Variants in KDM6A observed in about 807,000 individuals in gnomAD.
The protein encoded by KDM6A is lysine demethylase 6A.
A neutral mutation model predicts 117.6 loss-of-function variants in KDM6A; 11 were observed. The ratio of observed to expected loss-of-function variants is 0.09; its 90% confidence interval spans 0.06 to 0.15. The LOEUF is 0.15. Ranked by LOEUF, KDM6A falls within the 10% of genes least tolerant of loss-of-function variation. The pLI is 1.00. For missense variants in KDM6A, 799 were observed against 1,077.3 expected, an observed-to-expected ratio of 0.74 and a Z score of 3.62; for synonymous variants, 384 against 396.1, an observed-to-expected ratio of 0.97 and a Z score of 0.36.
At chrX:44,992,206 CTTTTTTTTTTTTTTTTTTT>C (rs779979560) in intron 4 of KDM6A, among the ~76,000 whole-genome samples, 49 of 32,057 alleles carry the variant, frequency 1.5e-3, no homozygotes, top group African/African-American at 3.7e-3. Flanking sequence ...CTGTCTTCTT[CTTTTTTTTTTTTTTTTTTT>C]TTTTTTTTTT....
intron 3 of KDM6A, among the ~76,000 whole-genome samples, chrX:44,964,381 G>A (rs1223858797): frequency 9.5e-6 from 1 of 105,659 alleles, no homozygotes; most frequent in Non-Finnish European, 1.9e-5. Flanking sequence ...CCCAGAAGGG[G>A]GAGGTTGCAG....
intron 6 of KDM6A, among the ~76,000 whole-genome samples, chrX:45,023,532 T>C (rs2042250581): frequency 9.0e-6 from 1 of 111,697 alleles, no homozygotes; most frequent in Non-Finnish European, 1.9e-5. Flanking sequence ...TTCGTGACCT[T>C]GAGTAAGATT....
At chrX:44,956,167 A>G (rs1482584054) in intron 2 of KDM6A, among the ~76,000 whole-genome samples, 3 of 111,666 alleles carry the variant, frequency 2.7e-5, no homozygotes, top group African/African-American at 9.8e-5. Flanking sequence ...AAACTTAGTT[A>G]AGGTAGTTTT....
chrX:44,982,681 C>G (rs1458773491), intron 4 of KDM6A, among the ~76,000 whole-genome samples: 1 of 111,812 alleles, frequency 8.9e-6, no homozygotes, highest in Non-Finnish European at 1.9e-5. Context: ...TCAGCATATG[C>G]TTGAAAATTA....
chrX:44,952,028 T>C lies in KDM6A; in HGVS notation c.226-9256T>C, dbSNP rs193027865. Reference sequence around the variant, plus strand: ...GCTCAAGTATTAGCTATCAACACTTTACTAAGTTGTCTAGTTTGATTTCAA... The same window carrying C: ...GCTCAAGTATTAGCTATCAACACTTCACTAAGTTGTCTAGTTTGATTTCAA... On this transcript the variant is annotated intron_variant, in intron 2 of 29. Coordinates refer to ENST00000611820, the MANE Select transcript of KDM6A (RefSeq NM_001291415.2). 8.0e-5 allele frequency among the ~76,000 whole-genome samples: 9 copies of C among 112,458 alleles called. No individual in the cohort carries two copies. The East Asian group carries it at 2.5e-3, about 31-fold the overall frequency.
intron 3 of KDM6A, among the ~76,000 whole-genome samples, chrX:44,965,472 A>T (rs1214789582): frequency 1.8e-5 from 2 of 111,665 alleles, no homozygotes; most frequent in Non-Finnish European, 3.8e-5. Flanking sequence ...TCTTTCTTTC[A>T]CTTGTACACT....
intron 17 of KDM6A, 24 bp downstream of exon 17, chrX:45,063,841 G>C: frequency 8.6e-7 from 1 of 1,164,947 alleles, no homozygotes; most frequent in Non-Finnish European, 1.2e-6. Context: ...TAGCTTCCTT[G>C]TTGGCTTTTC....
intron 4 of KDM6A, among the ~76,000 whole-genome samples, chrX:45,009,625 C>T (rs993639814): frequency 9.0e-6 from 1 of 111,676 alleles, no homozygotes; most frequent in Non-Finnish European, 1.9e-5. Context: ...ATGCCTCTGA[C>T]AAGCTGTTTA....
At chrX:45,013,412 C>T (rs1452852313) in intron 5 of KDM6A, among the ~76,000 whole-genome samples, 1 of 111,707 alleles carries the variant, frequency 9.0e-6, no homozygotes, top group African/African-American at 3.3e-5. Flanking sequence ...AATTTGTAAG[C>T]CTCTCTGTGT....
At chrX:45,092,148 G>T (rs1404535221) in intron 27 of KDM6A, among the ~76,000 whole-genome samples, 1 of 111,096 alleles carries the variant, frequency 9.0e-6, no homozygotes, top group South Asian at 3.8e-4. Flanking sequence ...CATTTATCCT[G>T]TTATATGTCA....
chrX:44,946,772 C>T (rs2037659577), intron 2 of KDM6A, among the ~76,000 whole-genome samples: 1 of 110,512 alleles, frequency 9.0e-6, no homozygotes, highest in Non-Finnish European at 1.9e-5. Context: ...AACTTGCAGG[C>T]TTGCCACCAC....
chrX:45,095,213 A>C (rs1460066723), intron 27 of KDM6A, among the ~76,000 whole-genome samples: 2 of 111,182 alleles, frequency 1.8e-5, no homozygotes, highest in African/African-American at 6.5e-5. Flanking sequence ...TCCCAAGGTC[A>C]TTCAATTGAC....
At chrX:44,892,758 C>T (rs896210644) in intron 2 of KDM6A, among the ~76,000 whole-genome samples, 2 of 109,628 alleles carry the variant, frequency 1.8e-5, no homozygotes, top group African/African-American at 6.7e-5. Context: ...AATCCCAGCA[C>T]TTTGGGAGGC....
At chrX:45,097,391 T>TA (rs891234304) in intron 27 of KDM6A, among the ~76,000 whole-genome samples, 1 of 111,377 alleles carries the variant, frequency 9.0e-6, no homozygotes, top group Non-Finnish European at 1.9e-5. Flanking sequence ...GAAAGGTAAT[T>TA]GAGTACATTT....
intron 8 of KDM6A, among the ~76,000 whole-genome samples, chrX:45,044,915 T>A (rs1431385825): frequency 1.8e-5 from 2 of 111,872 alleles, no homozygotes; most frequent in Non-Finnish European, 3.8e-5. Context: ...TATGTTATTA[T>A]ACTATAGCAA....
intron 10 of KDM6A, among the ~76,000 whole-genome samples, chrX:45,054,597 C>T (rs768458406): frequency 5.4e-5 from 6 of 111,617 alleles, no homozygotes; most frequent in Non-Finnish European, 7.5e-5. Context: ...CTGAACTATA[C>T]CTCATGCATA....
chrX:44,948,714 A>C (rs1387343460), intron 2 of KDM6A, among the ~76,000 whole-genome samples: 2 of 112,453 alleles, frequency 1.8e-5, no homozygotes, highest in Non-Finnish European at 3.8e-5. Flanking sequence ...GAAATCCTTT[A>C]TGTATAAATA....
intron 2 of KDM6A, among the ~76,000 whole-genome samples, chrX:44,940,849 A>T (rs1210819686): frequency 9.0e-6 from 1 of 111,362 alleles, no homozygotes; most frequent in Non-Finnish European, 1.9e-5. Flanking sequence ...CAGCCTGACC[A>T]ACATGGAGAA....
intron 5 of KDM6A, among the ~76,000 whole-genome samples, chrX:45,014,764 G>GTA (rs1158814233): frequency 8.9e-6 from 1 of 111,952 alleles, no homozygotes; most frequent in African/African-American, 3.2e-5. Context: ...ATTCTTCCTT[G>GTA]TATAGCTTAT....
Sources: allele counts gnomAD v4.1 joint callset (sites outside exome capture counted in the v4.1 genomes callset), GRCh38; gene constraint gnomAD v4.1.1; transcripts MANE v1.5; gene names NCBI Gene and HGNC (gene_info 2026-07-23, HGNC 2026-07-21).